PLXNA4: variants seen among roughly 807,000 people sequenced by gnomAD.
PLXNA4 encodes the protein plexin A4.
Under a neutral mutation model 191.8 loss-of-function variants are expected in PLXNA4, and 44 were observed. The observed-to-expected ratio is 0.23, with a 90% CI of 0.18 to 0.29. The LOEUF is 0.29. Among genes scored for constraint, PLXNA4 ranks in the 10% least tolerant of loss-of-function variants. The pLI, the probability that PLXNA4 is intolerant of heterozygous loss-of-function variation, is 1.00. For synonymous variants in PLXNA4, 1,082 were observed against 1,009.5 expected, an observed-to-expected ratio of 1.07 and a Z score of -1.36; for missense variants, 1,800 against 2,488.8, an observed-to-expected ratio of 0.72 and a Z score of 5.89.
chr7:132,243,752 G>A (rs911838643), intron 4 of PLXNA4, among the ~76,000 whole-genome samples: 4 of 146,356 alleles, frequency 2.7e-5, no homozygotes, highest in African/African-American at 7.6e-5. Context: ...TATAAGTGAC[G>A]GCTATGATGG....
intron 3 of PLXNA4, among the ~76,000 whole-genome samples, chr7:132,449,279 C>A (rs1203793019): frequency 6.6e-6 from 1 of 152,170 alleles, no homozygotes; most frequent in Admixed American, 6.5e-5. Context: ...GTGCTTTGGG[C>A]TTTTGGTTCT....
chr7:132,360,199 C>G (rs1803878941), intron 3 of PLXNA4, among the ~76,000 whole-genome samples: 1 of 152,170 alleles, frequency 6.6e-6, no homozygotes, highest in Non-Finnish European at 1.5e-5. Flanking sequence ...CTAAGCTTAC[C>G]TTTCTGCCAG....
chr7:132,286,940 G>T (rs972916180), intron 4 of PLXNA4, among the ~76,000 whole-genome samples: 1 of 152,192 alleles, frequency 6.6e-6, no homozygotes, highest in African/African-American at 2.4e-5. Context: ...ATAGATAGGG[G>T]AAGCACAGAA....
intron 3 of PLXNA4, among the ~76,000 whole-genome samples, chr7:132,404,718 C>A (rs1447206770): frequency 6.6e-6 from 1 of 152,164 alleles, no homozygotes; most frequent in East Asian, 1.9e-4. Flanking sequence ...AGTAACAGCG[C>A]CACCTCATAG....
chr7:132,145,391 G>A (rs1795391045), intron 28 of PLXNA4, 103 bp from the exon 29 acceptor site: 3 of 1,512,326 alleles, frequency 2.0e-6, no homozygotes, highest in Non-Finnish European at 2.7e-6. Context: ...ATGGTATACA[G>A]CCCACCCTAC....
chr7:132,560,975 C>T (rs533996837), intron 1 of PLXNA4, among the ~76,000 whole-genome samples: 3 of 152,194 alleles, frequency 2.0e-5, no homozygotes, highest in Admixed American at 1.3e-4. Context: ...ACGTGGCCCC[C>T]GCTGAACCTT....
intron 3 of PLXNA4, among the ~76,000 whole-genome samples, chr7:132,300,603 A>T (rs1017005447): frequency 6.6e-6 from 1 of 152,154 alleles, no homozygotes; most frequent in African/African-American, 2.4e-5. Flanking sequence ...AAGCCACCAG[A>T]TGTCCATGCT....
intron 3 of PLXNA4, among the ~76,000 whole-genome samples, chr7:132,404,054 A>G (rs563895631): frequency 6.6e-6 from 1 of 152,264 alleles, no homozygotes; most frequent in Admixed American, 6.5e-5. Context: ...GTGGGCCAGG[A>G]GACAAGGCTT....
intron 3 of PLXNA4, among the ~76,000 whole-genome samples, chr7:132,313,835 C>T (rs956729025): frequency 1.3e-4 from 20 of 152,230 alleles, no homozygotes; most frequent in African/African-American, 4.8e-4. Flanking sequence ...CCATGGCAGG[C>T]TGGCCCTCCT....
chr7:132,469,115 C>T (rs73724009), intron 3 of PLXNA4, among the ~76,000 whole-genome samples: 1 of 41,384 alleles, frequency 2.4e-5, no homozygotes, highest in African/African-American at 1.1e-4. Flanking sequence ...AAATGCACAC[C>T]AACCAAAAAA....
At position 132,166,035 on chromosome 7, in the gene PLXNA4, A is replaced by G. The variant is rs190647002; in HGVS notation, c.4287-835T>C. Among the ~76,000 whole-genome samples, 57 of 152,180 alleles carry G rather than the reference A, an allele frequency of 3.7e-4. 1 individual carries two copies. The highest frequency in any genetic ancestry group is 2.1e-4 in the South Asian group (1 of 4,812). On this transcript the variant is annotated intron_variant, in intron 22 of 31. Coordinates refer to ENST00000321063, the MANE Select transcript of PLXNA4 (RefSeq NM_020911.2). Reference sequence around the variant, plus strand: ...AACATGGTGAAACCCCCTCTCTACTAAAAACACAAAAATTAGCTGGGCGTG... The same window carrying G: ...AACATGGTGAAACCCCCTCTCTACTGAAAACACAAAAATTAGCTGGGCGTG...
intron 3 of PLXNA4, among the ~76,000 whole-genome samples, chr7:132,405,358 A>T (rs1404867987): frequency 2.0e-5 from 3 of 152,082 alleles, no homozygotes; most frequent in African/African-American, 7.2e-5. Context: ...AAATCCTAGG[A>T]ACTGTGATTC....
intron 3 of PLXNA4, among the ~76,000 whole-genome samples, chr7:132,341,787 G>A (rs560542219): frequency 5.9e-5 from 9 of 152,088 alleles, no homozygotes; most frequent in Non-Finnish European, 1.2e-4. Context: ...AATTCCCTGA[G>A]GAAGATAAAA....
intron 3 of PLXNA4, among the ~76,000 whole-genome samples, chr7:132,445,239 A>G (rs1048833441): frequency 6.7e-6 from 1 of 148,880 alleles, no homozygotes; most frequent in Non-Finnish European, 1.5e-5. Flanking sequence ...TTCCATGTGT[A>G]GGTTAATATT....
intron 21 of PLXNA4, among the ~76,000 whole-genome samples, chr7:132,172,157 T>TTGGGAGTCTGAAAGAA (rs1796306485): frequency 6.6e-6 from 1 of 152,370 alleles, no homozygotes; most frequent in East Asian, 1.9e-4. Context: ...AAGCAAATGC[T>TTGGGAGTCTGAAAGAA]ACTCTGAAAC....
At chr7:132,152,284 AG>A (rs1004880484) in intron 25 of PLXNA4, among the ~76,000 whole-genome samples, 2 of 152,044 alleles carry the variant, frequency 1.3e-5, no homozygotes, top group African/African-American at 4.8e-5. Flanking sequence ...TCCCCACCCC[AG>A]AAGTAAAGAT....
chr7:132,164,033 C>T, intron 24 of PLXNA4, 109 bp downstream of exon 24: 2 of 1,513,744 alleles, frequency 1.3e-6, no homozygotes, highest in Non-Finnish European at 8.9e-7. Flanking sequence ...GCAGACACAC[C>T]TGGAGAGGCA....
At chr7:132,157,478 C>T (rs554779285) in intron 25 of PLXNA4, among the ~76,000 whole-genome samples, 16 of 152,338 alleles carry the variant, frequency 1.1e-4, no homozygotes, top group African/African-American at 2.9e-4. Context: ...ACAAAGTTCA[C>T]GGGGCTGCCT....
chr7:132,188,998 GAGAGAGAGAGAGAGAGAGAGAGAGAGAGA>G (rs1562908858), intron 14 of PLXNA4, among the ~76,000 whole-genome samples: 4 of 50,992 alleles, frequency 7.8e-5, no homozygotes, highest in Non-Finnish European at 7.9e-5. Flanking sequence ...GGAAAGGAGA[GAGAGAGAGAGAGAGAGAGAGAGAGAGAGA>G]GAAAGAGAGA....
Sources: allele counts gnomAD v4.1 joint callset (sites outside exome capture counted in the v4.1 genomes callset), GRCh38; gene constraint gnomAD v4.1.1; transcripts MANE v1.5; gene names NCBI Gene and HGNC (gene_info 2026-07-23, HGNC 2026-07-21).